EVC2: variants seen among roughly 807,000 people sequenced by gnomAD.
EVC2 encodes EvC ciliary complex subunit 2.
Under a neutral mutation model 149.3 loss-of-function variants are expected in EVC2, and 148 were observed. That is an observed-to-expected ratio of 0.99 (90% confidence interval 0.87 to 1.14). The LOEUF is 1.14. EVC2 is among the 50% of genes most tolerant of loss of function. EVC2 has a pLI of 0.00. For synonymous variants in EVC2, 776 were observed against 649.9 expected, an observed-to-expected ratio of 1.19 and a Z score of -2.95; for missense variants, 1,854 against 1,627.3, an observed-to-expected ratio of 1.14 and a Z score of -2.40.
At chr4:5,707,298 G>A (rs374121938) in intron 1 of EVC2, among the ~76,000 whole-genome samples, 2 of 152,162 alleles carry the variant, frequency 1.3e-5, no homozygotes, top group Non-Finnish European at 2.9e-5. Flanking sequence ...AAAGGGAGCA[G>A]GGTCTCTTTT....
At chr4:5,537,809 T>G (rs1721448106), downstream of EVC2, among the ~76,000 whole-genome samples, 1 of 152,134 alleles carries the variant, frequency 6.6e-6, no homozygotes, top group Non-Finnish European at 1.5e-5. Context: ...GAGAGAAATT[T>G]ATGGCACTAA....
chr4:5,691,215 C>CA (rs1317254074), intron 4 of EVC2, 50 bp downstream of exon 4: 1 of 1,537,736 alleles, frequency 6.5e-7, no homozygotes, highest in East Asian at 2.2e-5. Context: ...ATGATCTGGG[C>CA]AAAATCCAAT....
upstream of EVC2, chr4:5,708,671 G>A (rs1205419595): frequency 1.9e-6 from 1 of 528,120 alleles, no homozygotes; most frequent in Non-Finnish European, 3.1e-6. Context: ...CGGGCCAGGA[G>A]GTGCCGGACG....
intron 16 of EVC2, among the ~76,000 whole-genome samples, chr4:5,609,338 A>T (rs1282719851): frequency 6.6e-6 from 1 of 152,150 alleles, no homozygotes; most frequent in Non-Finnish European, 1.5e-5. Flanking sequence ...TCCCTCTGCA[A>T]TTATCCTGCA....
chr4:5,662,855 A>C (rs1718991304), intron 9 of EVC2, among the ~76,000 whole-genome samples: 1 of 151,738 alleles, frequency 6.6e-6, no homozygotes. Flanking sequence ...GTGGTCACCC[A>C]ATTCTGTGGT....
the EVC2 span, among the ~76,000 whole-genome samples, chr4:5,536,700 C>T: frequency 9.1e-4 from 138 of 151,916 alleles, no homozygotes; most frequent in Non-Finnish European, 1.6e-3. Flanking sequence ...AGGAGAATGG[C>T]GTGAACCCAG....
intron 9 of EVC2, among the ~76,000 whole-genome samples, chr4:5,659,813 A>G (rs1718764532): frequency 6.6e-6 from 1 of 152,220 alleles, no homozygotes; most frequent in African/African-American, 2.4e-5. Context: ...CAAAAACAGG[A>G]GGATTAATAC....
intron 10 of EVC2, among the ~76,000 whole-genome samples, chr4:5,634,338 C>T (rs1047634337): frequency 1.3e-5 from 2 of 152,206 alleles, no homozygotes; most frequent in African/African-American, 2.4e-5. Flanking sequence ...AGTCTGGGCA[C>T]CGCAGGGGCA....
chr4:5,589,299 T>C (rs1025306678), intron 16 of EVC2, among the ~76,000 whole-genome samples: 1 of 152,218 alleles, frequency 6.6e-6, no homozygotes, highest in Non-Finnish European at 1.5e-5. Context: ...TGAGGCTTTC[T>C]AGTTTGGGTG....
intron 7 of EVC2, among the ~76,000 whole-genome samples, chr4:5,674,156 G>A (rs530788438): frequency 6.6e-6 from 1 of 152,280 alleles, no homozygotes; most frequent in Non-Finnish European, 1.5e-5. Context: ...GTCCCTGAGG[G>A]GCAGCCCTGA....
chr4:5,674,062 A>G (rs7662476), intron 7 of EVC2, among the ~76,000 whole-genome samples: 116,388 of 150,940 alleles, frequency 0.77, 45,234 homozygotes, highest in African/African-American at 0.86. Flanking sequence ...GAACAGTCTA[A>G]GAATCATTTA....
Position 5,546,379 on chromosome 4 carries a change from C to T in EVC2, c.3420-3167G>A, listed in dbSNP as rs1393546799. ...CACATATACACCATGGAATACTATGCAGCCATAAAAAAATGATGAGTTCAT... is the reference window on the plus strand; with the variant it reads ...CACATATACACCATGGAATACTATGTAGCCATAAAAAAATGATGAGTTCAT... On this transcript the variant is annotated intron_variant and NMD_transcript_variant, in intron 21 of 22. Coordinates refer to the EVC2 transcript ENST00000475313. 4.6e-5 allele frequency among the ~76,000 whole-genome samples: 7 copies of T among 152,252 alleles called. No individual in the cohort carries two copies. The East Asian group carries it at 1.4e-3, about 29-fold the overall frequency.
At chr4:5,661,667 AG>A (rs1452602225) in intron 9 of EVC2, among the ~76,000 whole-genome samples, 1 of 152,264 alleles carries the variant, frequency 6.6e-6, no homozygotes, top group Non-Finnish European at 1.5e-5. Context: ...AAAGGAAAGA[AG>A]GAACGACAAG....
chr4:5,670,627 A>G lies in EVC2; in HGVS notation c.871-4978T>C, dbSNP rs1049900596. Among the ~76,000 whole-genome samples the G allele has an allele frequency of 2.6e-5, 4 of 151,984 alleles. No homozygotes were observed. Among genetic ancestry groups the G allele is most frequent in the Non-Finnish European group, 4.4e-5 (3 of 68,026 alleles). Reference sequence around the variant, plus strand: ...CATCACCATCATCTTCACCATCACCATCACTACCATCATTGTCAACATTAT... The same window carrying G: ...CATCACCATCATCTTCACCATCACCGTCACTACCATCATTGTCAACATTAT... On this transcript the variant is annotated intron_variant, in intron 7 of 21. Coordinates refer to ENST00000344408, the MANE Select transcript of EVC2 (RefSeq NM_147127.5). This position sits in a 1 kb window ranked among gnomAD's most constrained non-coding sequence, Gnocchi z 5.2.
At chr4:5,704,373 C>T (rs1158228366) in intron 1 of EVC2, among the ~76,000 whole-genome samples, 1 of 151,962 alleles carries the variant, frequency 6.6e-6, no homozygotes, top group Admixed American at 6.6e-5. Context: ...CTGGGCCCAG[C>T]AAGAAAAAGA....
chr4:5,627,557 G>A (rs1716208197), intron 12 of EVC2, among the ~76,000 whole-genome samples: 1 of 152,192 alleles, frequency 6.6e-6, no homozygotes, highest in African/African-American at 2.4e-5. Context: ...ACAACAGATT[G>A]TCATAAGAAA....
At chr4:5,617,996 A>ATTCT (rs1715386068) in intron 15 of EVC2, among the ~76,000 whole-genome samples, 2 of 152,212 alleles carry the variant, frequency 1.3e-5, no homozygotes, top group Admixed American at 1.3e-4. Context: ...ATAGCTGCTC[A>ATTCT]TTAAAAGGCA....
chr4:5,581,551 C>T (rs1711794238), intron 17 of EVC2, among the ~76,000 whole-genome samples: 1 of 151,280 alleles, frequency 6.6e-6, no homozygotes, highest in African/African-American at 2.4e-5. Context: ...AGGGTATCTG[C>T]TGGAAGAAAT....
At chr4:5,611,240 C>G (rs1714798888) in intron 16 of EVC2, among the ~76,000 whole-genome samples, 1 of 152,056 alleles carries the variant, frequency 6.6e-6, no homozygotes, top group South Asian at 2.1e-4. Flanking sequence ...GGTGGTGGAC[C>G]CTGGGCTGGG....
Sources: allele counts gnomAD v4.1 joint callset (sites outside exome capture counted in the v4.1 genomes callset), GRCh38; gene constraint gnomAD v4.1.1; non-coding constraint Gnocchi (gnomAD v3.1); transcripts MANE v1.5; gene names NCBI Gene and HGNC (gene_info 2026-07-23, HGNC 2026-07-21).